The following PRKACA variants were observed in gnomAD, a reference collection of about 807,000 sequenced individuals.
The protein encoded by PRKACA is protein kinase cAMP-activated catalytic subunit alpha.
PRKACA carries 9 observed loss-of-function variants against 45.8 expected under a neutral mutation model. The ratio of observed to expected loss-of-function variants is 0.20; its 90% CI spans 0.12 to 0.34. The LOEUF is 0.34. Among genes scored for constraint, PRKACA ranks in the 10% least tolerant of loss-of-function variants. The probability of loss-of-function intolerance (pLI) is 1.00; values close to 1 mark genes in which losing one functional copy is unlikely to be tolerated. For synonymous variants in PRKACA, 160 were observed against 178.6 expected (o/e 0.90, Z 0.83); for missense variants, 238 against 458.6 (o/e 0.52, Z 4.39).
intron 8 of PRKACA, chr19:14,096,874 A>G: frequency 3.8e-6 from 1 of 261,770 alleles, no homozygotes; most frequent in Non-Finnish European, 7.5e-6. Flanking sequence ...ATGTGAGCTG[A>G]GATGGCTTCA....
chr19:14,101,152 C>T (rs1381777151), intron 4 of PRKACA: 5 of 474,364 alleles, frequency 1.1e-5, no homozygotes, highest in Non-Finnish European at 1.9e-5. Context: ...CTCTGTAGTA[C>T]CTTGCTCTGG....
rs1599351859 is a variant in PRKACA at position 14,114,177 on chromosome 19, CACCGG to C, written c.46+3320_46+3324del. The C allele has an allele frequency of 2.5e-6, 4 of 1,609,412 alleles. No homozygotes were observed. In the East Asian group the frequency reaches 8.9e-5, roughly 36 times the overall value. ...CCATCACTCAGTCCTGTTCTCAGGG[CACCGG>C]CACTACGGTGGCTGGGAAGGCTCAT... On this transcript the variant is annotated intron_variant, in intron 1 of 9. Coordinates refer to ENST00000308677, the MANE Select transcript of PRKACA (RefSeq NM_002730.4).
chr19:14,093,473 A>G (rs1977154368), intron 9 of PRKACA, among the ~76,000 whole-genome samples, 155 bp downstream of exon 9: 1 of 152,066 alleles, frequency 6.6e-6, no homozygotes, highest in African/African-American at 2.4e-5. Flanking sequence ...TGGCCAAATG[A>G]CCCCAGAATC....
chr19:14,105,925 C>T (rs1977590678), intron 3 of PRKACA, among the ~76,000 whole-genome samples: 1 of 152,216 alleles, frequency 6.6e-6, no homozygotes, highest in South Asian at 2.1e-4. Flanking sequence ...TGTTCTCCTC[C>T]TGTTGGGCTG....
At position 14,098,653 on chromosome 19, in the gene PRKACA, G is replaced by A. The variant is rs550324439; in HGVS notation, c.420-763C>T. 7.0e-3 allele frequency among the ~76,000 whole-genome samples: 1,061 copies of A among 151,320 alleles called. 13 individuals are homozygous for A. Among genetic ancestry groups the A allele is most frequent in the African/African-American group, 0.024 (983 of 41,232 alleles). On this transcript the variant is annotated intron_variant, in intron 5 of 9. Transcript: ENST00000308677. Reference sequence around the variant, plus strand: ...TGGGATTACAGGTGTGCACCACCACGCCCGGCTAATTTTTATATTTTTAGT... The same window carrying A: ...TGGGATTACAGGTGTGCACCACCACACCCGGCTAATTTTTATATTTTTAGT...
chr19:14,099,361 A>AT (rs1568531354), intron 5 of PRKACA, among the ~76,000 whole-genome samples: 4 of 152,160 alleles, frequency 2.6e-5, no homozygotes, highest in African/African-American at 9.7e-5. Context: ...ATAAGTTAAA[A>AT]ATTTTTTTTT....
intron 5 of PRKACA, chr19:14,098,240 C>T (rs931821088): frequency 5.3e-5 from 10 of 189,478 alleles, no homozygotes; most frequent in Non-Finnish European, 1.1e-4. Context: ...ATCATGTCCA[C>T]GCCCAGACAA....
In PRKACA at chr19:14,092,613, C is replaced by T. The variant is rs192062046; in HGVS notation, c.*499G>A. ...CTAGCAAGCAACCCACTGAACATGT[C>T]ACTAAAAATCTCTCCTTCCCAGGCA... On this transcript the variant is annotated 3_prime_UTR_variant, in exon 10 of 10. Coordinates refer to ENST00000308677, the MANE Select transcript of PRKACA (RefSeq NM_002730.4). 11 of 397,344 alleles carry T rather than the reference C, an allele frequency of 2.8e-5. No homozygotes were observed. The highest frequency in any genetic ancestry group is 2.1e-4 in the African/African-American group (10 of 48,530). 24.6% of individuals were successfully genotyped at this position (397,344 alleles called of 1,614,324 possible). A position where few individuals can be genotyped will look rare whatever the true frequency, so the allele number is the denominator to read the frequency against.
rs192325305 is a variant in PRKACA at position 14,102,117 on chromosome 19, T to C, written c.336+699A>G. Among the ~76,000 whole-genome samples the C allele has an allele frequency of 3.3e-5, 5 of 152,280 alleles. No individual in the cohort carries two copies. The East Asian group carries it at 5.8e-4, about 18-fold the overall frequency. The stretch of plus-strand genomic sequence containing the variant: ...AGGCAGAGGTTGTAGTGAGCCAAGA[T>C]TGCGCCACTGCTCTCCAGCCTGAGC... On this transcript the variant is annotated intron_variant, in intron 4 of 9. Transcript: ENST00000308677.
At chr19:14,102,120 C>T (rs1413871141) in intron 4 of PRKACA, among the ~76,000 whole-genome samples, 1 of 152,130 alleles carries the variant, frequency 6.6e-6, no homozygotes, top group Non-Finnish European at 1.5e-5. Flanking sequence ...GCCAAGATTG[C>T]GCCACTGCTC....
chr19:14,107,133 G>A (rs975030531), intron 2 of PRKACA, among the ~76,000 whole-genome samples: 2 of 151,942 alleles, frequency 1.3e-5, no homozygotes, highest in African/African-American at 4.8e-5. Flanking sequence ...GGGGGCAGGG[G>A]CGGGCCGTTG....
In PRKACA at chr19:14,102,783, G is replaced by GT. The variant is rs774677107; in HGVS notation, c.336+32dup. 1.1e-5 allele frequency: 17 copies of GT among 1,575,608 alleles called. No homozygotes were observed. In the East Asian group the frequency reaches 3.6e-4, roughly 33 times the overall value. On this transcript the variant is annotated intron_variant, in intron 4 of 9. Transcript: ENST00000308677. Reference sequence around the variant, plus strand: ...GGCCAGAAGGCTGGGACCCAATGCAGTGACCCCCCGCCCTTGGCCACTGGG... The same window carrying GT: ...GGCCAGAAGGCTGGGACCCAATGCAGTTGACCCCCCGCCCTTGGCCACTGGG...
chr19:14,116,494 T>C (rs1022002155), intron 1 of PRKACA, among the ~76,000 whole-genome samples: 7 of 152,118 alleles, frequency 4.6e-5, no homozygotes, highest in Admixed American at 6.6e-5. Context: ...TAGAACCGAA[T>C]GAACCTCGCT....
intron 3 of PRKACA, among the ~76,000 whole-genome samples, chr19:14,103,553 C>T (rs1307121215): frequency 2.0e-5 from 3 of 152,188 alleles, no homozygotes; most frequent in African/African-American, 7.2e-5. Flanking sequence ...TCCAAGGTCA[C>T]ACAGCTGGCT....
At chr19:14,103,894 C>T (rs1005009600) in intron 3 of PRKACA, among the ~76,000 whole-genome samples, 1 of 151,238 alleles carries the variant, frequency 6.6e-6, no homozygotes, top group Admixed American at 6.6e-5. Context: ...AGCGAGACCC[C>T]ATCTCTACAA....
At chr19:14,107,229 G>C in intron 2 of PRKACA, 119 bp downstream of exon 2, 1 of 1,106,932 alleles carries the variant, frequency 9.0e-7, no homozygotes, top group Non-Finnish European at 1.3e-6. Context: ...GGGAGCAAAT[G>C]GGGAGGGTCT....
At chr19:14,098,669 T>A (rs952084912) in intron 5 of PRKACA, among the ~76,000 whole-genome samples, 3 of 151,724 alleles carry the variant, frequency 2.0e-5, no homozygotes, top group African/African-American at 7.3e-5. Flanking sequence ...CTAATTTTTA[T>A]ATTTTTAGTA....
In PRKACA at chr19:14,093,640, G is replaced by A. The variant is rs781011594; in HGVS notation, c.918C>T (p.Ile306=). 6.2e-6 allele frequency: 10 copies of A among 1,613,522 alleles called. No homozygotes were observed. The highest frequency in any genetic ancestry group is 8.5e-6 in the Non-Finnish European group (10 of 1,179,690). Residue 306 remains isoleucine (I), a synonymous_variant, in exon 9 of 10, where the codon ATC becomes ATT. Transcript: ENST00000308677. The stretch of plus-strand genomic sequence containing the variant: ...AGGGGAGGCCCACCTTCCTCTGGTA[G>A]ATGGCAATCCAGTCAGTTGTGGCAA... ...KWFATTDWIA[I]YQRKVEAPFI...
In PRKACA at chr19:14,092,002, G is replaced by A. The variant is rs1445428613; in HGVS notation, c.*1110C>T. The A allele has an allele frequency of 6.6e-6, 1 of 152,274 alleles. No homozygotes were observed. Among genetic ancestry groups the A allele is most frequent in the African/African-American group, 2.4e-5 (1 of 41,436 alleles). 9.4% of individuals were successfully genotyped at this position (152,274 alleles called of 1,614,324 possible). The stretch of plus-strand genomic sequence containing the variant: ...GCTGGAGGAGGGGCGCCCAGGATGG[G>A]GGAGGCGGAAGCTGGTGGGTGAGTA... On this transcript the variant is annotated 3_prime_UTR_variant, in exon 10 of 10. Transcript: ENST00000308677.
Sources: allele counts gnomAD v4.1 joint callset (sites outside exome capture counted in the v4.1 genomes callset), GRCh38; gene constraint gnomAD v4.1.1; transcripts MANE v1.5; gene names NCBI Gene and HGNC (gene_info 2026-07-23, HGNC 2026-07-21).